MCM9: variants seen among roughly 807,000 people sequenced by gnomAD.
MCM9 encodes the protein DNA helicase MCM9.
Under a neutral mutation model 72.8 loss-of-function variants are expected in MCM9, and 55 were observed. The observed-to-expected ratio is 0.76, with a 90% CI of 0.61 to 0.95. The LOEUF is 0.95. Ranked by LOEUF, MCM9 falls within the 40% of genes least tolerant of loss-of-function variation. MCM9 has a pLI of 0.00. For missense variants in MCM9, 1,279 were observed against 1,377.0 expected, an observed-to-expected ratio of 0.93 and a Z score of 1.13; for synonymous variants, 480 against 503.4, an observed-to-expected ratio of 0.95 and a Z score of 0.62.
chr6:118,893,521 T>C (rs1779092308), intron 8 of MCM9, among the ~76,000 whole-genome samples: 1 of 152,190 alleles, frequency 6.6e-6, no homozygotes, highest in Non-Finnish European at 1.5e-5. Flanking sequence ...GTTACCTATT[T>C]AAATTTTCCA....
intron 7 of MCM9, 88 bp downstream of exon 7, chr6:118,913,207 C>A: frequency 1.4e-6 from 2 of 1,470,398 alleles, no homozygotes; most frequent in Non-Finnish European, 1.9e-6. Flanking sequence ...AAAATAAAAC[C>A]CAACGAGCAG....
intron 8 of MCM9, among the ~76,000 whole-genome samples, chr6:118,882,545 G>A: frequency 6.6e-6 from 1 of 152,152 alleles, no homozygotes; most frequent in East Asian, 1.9e-4. Context: ...AAATTTAATT[G>A]AACCAGAGTG....
intron 9 of MCM9, among the ~76,000 whole-genome samples, chr6:118,834,306 T>G (rs1774799976): frequency 6.6e-6 from 1 of 151,370 alleles, no homozygotes; most frequent in Non-Finnish European, 1.5e-5. Flanking sequence ...TTGTGAACAC[T>G]GCTGCAATAA....
intron 8 of MCM9, among the ~76,000 whole-genome samples, chr6:118,864,276 T>A (rs1386412025): frequency 2.0e-5 from 3 of 152,138 alleles, no homozygotes; most frequent in Admixed American, 6.5e-5. Context: ...TCCTCACAGC[T>A]TAGCTTCTAC....
At chr6:118,825,383 A>G (rs1184912968) in intron 13 of MCM9, among the ~76,000 whole-genome samples, 4 of 152,208 alleles carry the variant, frequency 2.6e-5, no homozygotes, top group Admixed American at 6.5e-5. Flanking sequence ...AACTAGAAAG[A>G]GAAGGATGCT....
chr6:118,895,845 T>C (rs540791708), intron 8 of MCM9, among the ~76,000 whole-genome samples: 1 of 152,268 alleles, frequency 6.6e-6, no homozygotes, highest in South Asian at 2.1e-4. Context: ...AACTTTTCAT[T>C]TTAAAAACTA....
chr6:118,861,818 T>C (rs762764838), intron 8 of MCM9, among the ~76,000 whole-genome samples: 1 of 152,198 alleles, frequency 6.6e-6, no homozygotes, highest in African/African-American at 2.4e-5. Flanking sequence ...CCCTCAGGCT[T>C]CAGGCTGTCC....
At chr6:118,833,804 AAACAGGTATAGAGTT>A (rs1562403035) in intron 9 of MCM9, among the ~76,000 whole-genome samples, 1 of 152,074 alleles carries the variant, frequency 6.6e-6, no homozygotes, top group African/African-American at 2.4e-5. Flanking sequence ...GAGTTTTTTT[AAACAGGTATAGAGTT>A]TCAGTTTGCA....
intron 8 of MCM9, among the ~76,000 whole-genome samples, chr6:118,894,866 G>A (rs1333768153): frequency 6.6e-6 from 1 of 152,178 alleles, no homozygotes; most frequent in Non-Finnish European, 1.5e-5. Context: ...GCCGCCAACA[G>A]CCTCCGCGAC....
chr6:118,819,573 G>A (rs534628649), intron 13 of MCM9, among the ~76,000 whole-genome samples: 5 of 152,032 alleles, frequency 3.3e-5, no homozygotes, highest in African/African-American at 7.2e-5. Flanking sequence ...ATACTGGCCC[G>A]AAATTTTCTT....
intron 8 of MCM9, among the ~76,000 whole-genome samples, chr6:118,900,105 A>G (rs935906644): frequency 2.6e-5 from 4 of 152,148 alleles, no homozygotes; most frequent in Admixed American, 6.5e-5. Context: ...TGTATACTCT[A>G]TTGTATCACG....
At chr6:118,867,375 G>C (rs1046882510) in intron 8 of MCM9, among the ~76,000 whole-genome samples, 1 of 152,136 alleles carries the variant, frequency 6.6e-6, no homozygotes, top group African/African-American at 2.4e-5. Flanking sequence ...TTGTGGTGAT[G>C]CTGGTGTAAA....
At chr6:118,823,056 G>A (rs926414642) in intron 13 of MCM9, among the ~76,000 whole-genome samples, 2 of 152,168 alleles carry the variant, frequency 1.3e-5, no homozygotes, top group Non-Finnish European at 2.9e-5. Flanking sequence ...CTCCATGGGA[G>A]TGGGACCCAC....
intron 8 of MCM9, among the ~76,000 whole-genome samples, chr6:118,903,207 T>C (rs1779925296): frequency 6.6e-6 from 1 of 152,216 alleles, no homozygotes; most frequent in Admixed American, 6.5e-5. Context: ...TGAACTATTA[T>C]ATATTTCCCA....
At chr6:118,838,548 C>G (rs899657364) in intron 9 of MCM9, among the ~76,000 whole-genome samples, 1 of 151,836 alleles carries the variant, frequency 6.6e-6, no homozygotes, top group Non-Finnish European at 1.5e-5. Flanking sequence ...CCTCAGCCCC[C>G]TGAGTAGCTG....
chr6:118,825,932 G>A (rs1430774689), intron 13 of MCM9, among the ~76,000 whole-genome samples: 3 of 152,104 alleles, frequency 2.0e-5, no homozygotes, highest in African/African-American at 7.2e-5. Flanking sequence ...ATGCTGGTGG[G>A]GGTGGTGTTC....
At chr6:118,886,928 G>A (rs1778643695) in intron 8 of MCM9, among the ~76,000 whole-genome samples, 1 of 152,142 alleles carries the variant, frequency 6.6e-6, no homozygotes, top group African/African-American at 2.4e-5. Flanking sequence ...TTGTGCCACT[G>A]TGCTCCAGCC....
chr6:118,894,550 T>C, intron 8 of MCM9: 2 of 1,510,266 alleles, frequency 1.3e-6, no homozygotes, highest in Non-Finnish European at 1.8e-6. Flanking sequence ...GCGCCCGGGC[T>C]GTCAGTTGCG....
chr6:118,835,106 A>G (rs867824449), intron 9 of MCM9, among the ~76,000 whole-genome samples: 3 of 152,290 alleles, frequency 2.0e-5, no homozygotes, highest in Middle Eastern at 3.4e-3. Flanking sequence ...TACATGAGGA[A>G]TAATTTCCCC....
Sources: gnomAD v4.1 joint callset for allele counts (sites outside exome capture counted in the v4.1 genomes callset) on GRCh38, gnomAD v4.1.1 for gene constraint, MANE v1.5 for transcripts, NCBI Gene and HGNC (gene_info 2026-07-23, HGNC 2026-07-21) for gene names.